Variants in VCL observed in about 807,000 individuals in gnomAD.
The protein encoded by VCL is vinculin.
VCL carries 47 observed loss-of-function variants against 125.7 expected under a neutral mutation model. The observed-to-expected ratio is 0.37, with a 90% CI of 0.30 to 0.48. The LOEUF (loss-of-function observed/expected upper bound fraction) is 0.48. Among genes scored for constraint, VCL ranks in the 20% least tolerant of loss-of-function variants. The pLI, the probability that VCL is intolerant of heterozygous loss-of-function variation, is 0.99. For missense variants in VCL, 1,069 were observed against 1,455.5 expected (o/e 0.73, Z 4.32); for synonymous variants, 458 against 514.6 (o/e 0.89, Z 1.49).
At chr10:74,120,392 A>G (rs529763649), downstream of VCL, 1 of 152,240 alleles carries the variant, frequency 6.6e-6, no homozygotes, top group South Asian at 2.1e-4. Flanking sequence ...GGAAGTGGCA[A>G]AGGTTAACAG....
intron 2 of VCL, among the ~76,000 whole-genome samples, 176 bp from the exon 3 acceptor site, chr10:74,070,494 G>C (rs922415326): frequency 6.6e-6 from 1 of 152,160 alleles, no homozygotes; most frequent in Non-Finnish European, 1.5e-5. Context: ...ATGAGCCACT[G>C]TGTCCTGCCT....
intron 10 of VCL, among the ~76,000 whole-genome samples, chr10:74,093,753 A>G (rs1042117232): frequency 4.6e-5 from 7 of 152,184 alleles, no homozygotes; most frequent in African/African-American, 1.4e-4. Flanking sequence ...GCTGTGAGCC[A>G]TGATCTCACC....
chr10:74,048,080 C>A (rs891025656), intron 2 of VCL, among the ~76,000 whole-genome samples: 9 of 152,186 alleles, frequency 5.9e-5, no homozygotes, highest in African/African-American at 2.2e-4. Flanking sequence ...TGATTGCCAT[C>A]GAAACTGCCC....
rs1208436782 is a variant in VCL at position 73,998,307 on chromosome 10, G to A, written c.100G>A (p.Gly34Ser). Residue 34 changes from glycine (G) to serine (S), a missense_variant, in exon 1 of 22, where the codon GGC becomes AGC. This residue lies in a region of VCL where 96 missense variants were observed against 137.6 expected (regional missense o/e 0.70). Coordinates refer to ENST00000211998, the MANE Select transcript of VCL (RefSeq NM_014000.3). ...VIMHEEGEVD[G>S]KAIPDLTAPV... ...AATGCACGAGGAGGGCGAGGTGGAC[G>A]GCAAAGCCATTCCTGACCTCACCGC... 1 of 1,592,766 alleles carries A rather than the reference G, an allele frequency of 6.3e-7. No homozygotes were observed.
chr10:74,043,063 G>A lies in VCL; in HGVS notation c.169-20G>A. On this transcript the variant is annotated intron_variant, in intron 1 of 21. Transcript: ENST00000211998. ...GTCTGAGAATTTATATTTGAATTATGATTTTTTTTCCTCTTGTAGGTTGGA... is the reference window on the plus strand; with the variant it reads ...GTCTGAGAATTTATATTTGAATTATAATTTTTTTTCCTCTTGTAGGTTGGA... The A allele has an allele frequency of 6.2e-7, 1 of 1,606,662 alleles. No individual in the cohort carries two copies. Among genetic ancestry groups the A allele is most frequent in the Non-Finnish European group, 8.5e-7 (1 of 1,174,104 alleles).
At chr10:74,006,917 T>C (rs950316047) in intron 1 of VCL, among the ~76,000 whole-genome samples, 1 of 152,188 alleles carries the variant, frequency 6.6e-6, no homozygotes. Flanking sequence ...TTACTCATCA[T>C]TTATATAGTT....
intron 2 of VCL, among the ~76,000 whole-genome samples, chr10:74,049,972 A>G (rs1024193432): frequency 3.9e-5 from 6 of 152,338 alleles, no homozygotes; most frequent in Admixed American, 6.5e-5. Context: ...TCATTGCTGT[A>G]TACAGTGGAA....
At chr10:74,000,176 TA>T (rs35630135) in intron 1 of VCL, among the ~76,000 whole-genome samples, 51,457 of 151,590 alleles carry the variant, frequency 0.34, 9,881 homozygotes, top group African/African-American at 0.53. Context: ...CTTCTCAGCT[TA>T]AGAGTGTTCA....
intron 2 of VCL, among the ~76,000 whole-genome samples, chr10:74,068,467 G>A (rs1841610018): frequency 6.6e-6 from 1 of 152,124 alleles, no homozygotes; most frequent in South Asian, 2.1e-4. Context: ...TGGGATTACA[G>A]GCCCCTGCCA....
At chr10:74,077,734 A>T (rs992830234) in intron 6 of VCL, 2 of 455,796 alleles carry the variant, frequency 4.4e-6, no homozygotes, top group African/African-American at 2.0e-5. Context: ...TCCTCTAGAA[A>T]AGTGGGGGAA....
intron 2 of VCL, among the ~76,000 whole-genome samples, chr10:74,054,831 G>T (rs1379118487): frequency 6.6e-6 from 1 of 152,052 alleles, no homozygotes; most frequent in Non-Finnish European, 1.5e-5. Flanking sequence ...TGAGGCAGGA[G>T]AACTGCTTGA....
At chr10:74,058,906 T>C (rs985943955) in intron 2 of VCL, among the ~76,000 whole-genome samples, 2 of 152,012 alleles carry the variant, frequency 1.3e-5, no homozygotes, top group African/African-American at 2.4e-5. Context: ...TGTGTGTGTG[T>C]GCGTGTGCAC....
Position 74,056,446 on chromosome 10 carries a change from G to T in VCL, c.239+13293G>T, listed in dbSNP as rs540423663. On this transcript the variant is annotated intron_variant, in intron 2 of 21. Coordinates refer to ENST00000211998, the MANE Select transcript of VCL (RefSeq NM_014000.3). Reference sequence around the variant, plus strand: ...CAGTGTCCTGTACTATCACTGTTTGGCCTTGATAAGAACAAGAAGTCCACT... The same window carrying T: ...CAGTGTCCTGTACTATCACTGTTTGTCCTTGATAAGAACAAGAAGTCCACT... 2.6e-5 allele frequency among the ~76,000 whole-genome samples: 4 copies of T among 152,010 alleles called. No homozygotes were observed. In the South Asian group the frequency reaches 8.3e-4, roughly 32 times the overall value.
chr10:74,016,218 A>G (rs568160146), intron 1 of VCL, among the ~76,000 whole-genome samples: 2 of 152,034 alleles, frequency 1.3e-5, no homozygotes, highest in Non-Finnish European at 2.9e-5. Context: ...TTCTTTTATT[A>G]TACTTAAAAT....
intron 8 of VCL, among the ~76,000 whole-genome samples, chr10:74,088,008 A>G (rs1564527654): frequency 6.6e-6 from 1 of 152,208 alleles, no homozygotes; most frequent in African/African-American, 2.4e-5. Context: ...CTCAAAAAAA[A>G]TAAAAAAACC....
At chr10:74,104,930 G>A in intron 15 of VCL, 121 bp from the exon 16 acceptor site, 2 of 1,131,504 alleles carry the variant, frequency 1.8e-6, no homozygotes, top group Admixed American at 4.2e-5. Context: ...GGAAGAGTTT[G>A]AGCTGAAGAA....
chr10:74,074,516 T>C (rs1394636840), intron 5 of VCL, among the ~76,000 whole-genome samples: 1 of 152,234 alleles, frequency 6.6e-6, no homozygotes, highest in Non-Finnish European at 1.5e-5. Flanking sequence ...TACTTAATCA[T>C]GTTGTGATGG....
At chr10:74,019,640 A>G (rs1385629642) in intron 1 of VCL, among the ~76,000 whole-genome samples, 2 of 152,238 alleles carry the variant, frequency 1.3e-5, no homozygotes, top group African/African-American at 2.4e-5. Flanking sequence ...CAGCATGTGT[A>G]GAGTACAAGA....
intron 6 of VCL, among the ~76,000 whole-genome samples, chr10:74,081,689 C>G (rs1839676427): frequency 6.6e-6 from 1 of 152,156 alleles, no homozygotes. Flanking sequence ...GTTGTTTCAG[C>G]TTCTCCTGGT....
Sources: allele counts gnomAD v4.1 joint callset (sites outside exome capture counted in the v4.1 genomes callset), GRCh38; gene constraint gnomAD v4.1.1; regional missense constraint gnomAD v4.1.1; transcripts MANE v1.5; gene names NCBI Gene and HGNC (gene_info 2026-07-23, HGNC 2026-07-21).